Variants in GAS7 observed in about 807,000 individuals in gnomAD.
The protein encoded by GAS7 is growth arrest specific 7, also known as growth arrest-specific protein 7.
A neutral mutation model predicts 71.1 loss-of-function variants in GAS7; 28 were observed. The observed-to-expected ratio is 0.39, with a 90% CI of 0.29 to 0.54. GAS7 has a LOEUF of 0.54. Among genes scored for constraint, GAS7 ranks in the 20% least tolerant of loss-of-function variants. GAS7 has a pLI of 0.62. For synonymous variants in GAS7, 258 were observed against 245.8 expected, an observed-to-expected ratio of 1.05 and a Z score of -0.46; for missense variants, 436 against 627.8, an observed-to-expected ratio of 0.69 and a Z score of 3.27.
chr17:10,117,166 G>A (rs2073868251), intron 1 of GAS7, among the ~76,000 whole-genome samples: 1 of 152,078 alleles, frequency 6.6e-6, no homozygotes, highest in Non-Finnish European at 1.5e-5. Flanking sequence ...CTCAGCTTCT[G>A]GAGCCCACCC....
chr17:10,012,280 T>TAATAAAATAAA (rs2071804797), intron 2 of GAS7, among the ~76,000 whole-genome samples: 4 of 152,224 alleles, frequency 2.6e-5, no homozygotes, highest in African/African-American at 9.6e-5. Flanking sequence ...GCCTTCCAGT[T>TAATAAAATAAA]ATATTTTTAT....
intron 1 of GAS7, among the ~76,000 whole-genome samples, chr17:10,078,084 GTTT>G (rs1567582698): frequency 5.2e-4 from 73 of 139,138 alleles, no homozygotes; most frequent in Admixed American, 3.7e-3. Context: ...TGTGTGTTTT[GTTT>G]TGTTTTGTTT....
chr17:10,164,209 G>A (rs992688893), intron 1 of GAS7, among the ~76,000 whole-genome samples: 19 of 152,042 alleles, frequency 1.2e-4, no homozygotes, highest in Admixed American at 6.5e-4. Context: ...TTGGGAGGCC[G>A]AGGCGGGCAG....
intron 1 of GAS7, among the ~76,000 whole-genome samples, chr17:10,126,051 G>A (rs2073943442): frequency 6.6e-6 from 1 of 152,152 alleles, no homozygotes; most frequent in Non-Finnish European, 1.5e-5. Context: ...TCGCAGAGCA[G>A]CCCTCTGACC....
rs554266862 is a variant in GAS7, at chr17:10,065,303, T to G, written c.184-45406A>C. 2.6e-5 allele frequency among the ~76,000 whole-genome samples: 4 copies of G among 152,328 alleles called. No homozygotes were observed. The South Asian group carries it at 8.3e-4, about 32-fold the overall frequency. On this transcript the variant is annotated intron_variant, in intron 1 of 13. Transcript: ENST00000432992. ...AAGATATCTGCATTTCTAAAAACCT[T>G]CCTTTGGCCACTATAACACTTGGTG...
intron 1 of GAS7, among the ~76,000 whole-genome samples, chr17:10,123,446 G>A (rs1567600974): frequency 6.6e-6 from 1 of 152,188 alleles, no homozygotes; most frequent in Admixed American, 6.5e-5. Flanking sequence ...ACCCAGAATG[G>A]TTCCAAGAGG....
At chr17:10,030,036 C>G (rs1258142720) in intron 1 of GAS7, among the ~76,000 whole-genome samples, 1 of 152,114 alleles carries the variant, frequency 6.6e-6, no homozygotes, top group Non-Finnish European at 1.5e-5. Context: ...GTATCAGGTA[C>G]CTGACCAGTT....
At chr17:10,019,677 C>T in intron 2 of GAS7, 100 bp downstream of exon 2, 2 of 1,201,710 alleles carry the variant, frequency 1.7e-6, no homozygotes, top group Non-Finnish European at 1.2e-6. Flanking sequence ...GAAGAAAAAA[C>T]CCCCAAACAG....
chr17:10,038,886 T>C (rs937266062), intron 1 of GAS7, among the ~76,000 whole-genome samples: 2 of 151,984 alleles, frequency 1.3e-5, no homozygotes, highest in Non-Finnish European at 2.9e-5. Context: ...AATTTTGACA[T>C]ATGCAACCAT....
In GAS7 at chr17:9,913,076, T is replaced by A. The variant is rs2067482402; in HGVS notation, c.*4152A>T. ...AGGAGAAGGGAATTTTTTGGAGGGT[T>A]AAAAACAGGTTGATCTTGGTGATGG... On this transcript the variant is annotated 3_prime_UTR_variant, in exon 14 of 14. Coordinates refer to ENST00000432992, the MANE Select transcript of GAS7 (RefSeq NM_201433.2). 4.3e-6 allele frequency: 1 copy of A among 232,236 alleles called. No homozygotes were observed. Among genetic ancestry groups the A allele is most frequent in the Non-Finnish European group, 8.5e-6 (1 of 117,550 alleles). 14.4% of individuals were successfully genotyped at this position (232,236 alleles called of 1,614,324 possible). A position where few individuals can be genotyped will look rare whatever the true frequency, so the allele number is the denominator to read the frequency against.
At chr17:9,949,197 C>T (rs1466556857) in intron 5 of GAS7, among the ~76,000 whole-genome samples, 3 of 147,194 alleles carry the variant, frequency 2.0e-5, no homozygotes, top group Non-Finnish European at 4.4e-5. Flanking sequence ...GCTCTTTGGG[C>T]AGGGGCCAGA....
intron 1 of GAS7, among the ~76,000 whole-genome samples, chr17:10,050,033 C>T (rs978095907): frequency 2.0e-5 from 3 of 152,106 alleles, no homozygotes; most frequent in African/African-American, 7.2e-5. Context: ...TAATTATTTT[C>T]TTATTTCTGT....
Position 9,934,881 on chromosome 17 carries a change from G to A in GAS7, c.807-637C>T, listed in dbSNP as rs374409868. ...CTCCCGAGTAGCTGGGATTACAGGCGTGTGCCACCACATCCGGCTAATTTT... is the reference window on the plus strand; with the variant it reads ...CTCCCGAGTAGCTGGGATTACAGGCATGTGCCACCACATCCGGCTAATTTT... On this transcript the variant is annotated intron_variant, in intron 8 of 13. Coordinates refer to ENST00000432992, the MANE Select transcript of GAS7 (RefSeq NM_201433.2). 7.6e-4 allele frequency among the ~76,000 whole-genome samples: 115 copies of A among 152,272 alleles called. 1 individual carries two copies. Among genetic ancestry groups the A allele is most frequent in the African/African-American group, 2.6e-3 (110 of 41,562 alleles).
chr17:10,163,432 T>A (rs2074271058), intron 1 of GAS7, among the ~76,000 whole-genome samples: 3 of 148,792 alleles, frequency 2.0e-5, no homozygotes, highest in South Asian at 2.1e-4. Flanking sequence ...GGCCAAAAAA[T>A]TTTTAATTTA....
chr17:10,168,666 T>C (rs1175076432), intron 1 of GAS7, among the ~76,000 whole-genome samples: 1 of 152,170 alleles, frequency 6.6e-6, no homozygotes, highest in African/African-American at 2.4e-5. Flanking sequence ...GTATATTAAT[T>C]GTGTGGTTAA....
intron 5 of GAS7, among the ~76,000 whole-genome samples, chr17:9,948,835 C>T (rs1567810538): frequency 1.3e-5 from 2 of 152,208 alleles, no homozygotes; most frequent in South Asian, 2.1e-4. Flanking sequence ...TGGCTTCAGG[C>T]CCCAGATTCC....
chr17:10,150,651 C>T lies in GAS7; in HGVS notation c.183+47557G>A, dbSNP rs188953146. 7.7e-3 allele frequency among the ~76,000 whole-genome samples: 1,085 copies of T among 141,114 alleles called. 13 individuals carry two copies. The highest frequency in any genetic ancestry group is 0.053 in the South Asian group (242 of 4,548). The allele number at this position is 141,114 out of a possible 152,430, so 92.6% of individuals were successfully genotyped here. On this transcript the variant is annotated intron_variant, in intron 1 of 13. Coordinates refer to ENST00000432992, the MANE Select transcript of GAS7 (RefSeq NM_201433.2). ...TTGCCCAGACTGGAGTGCAGTGGCACGATCTCGGCTCACTGCAACCTCTGC... is the reference window on the plus strand; with the variant it reads ...TTGCCCAGACTGGAGTGCAGTGGCATGATCTCGGCTCACTGCAACCTCTGC...
intron 1 of GAS7, among the ~76,000 whole-genome samples, chr17:10,067,826 A>G (rs932908457): frequency 4.6e-5 from 7 of 152,182 alleles, no homozygotes. Context: ...GTAAGTCTAA[A>G]CAGAGGCTCA....
Position 9,946,958 on chromosome 17 carries a change from G to A in GAS7, c.551C>T (p.Pro184Leu). ...CAGCTGCTGTTCCGGCATCGTGTCT[G>A]GGTGAGGGAACGTCACACAGTTTAT... Reference protein sequence around the residue: ...ITINCVTFPHPDTMPEQQLLK... With the variant: ...ITINCVTFPHLDTMPEQQLLK... Residue 184 changes from proline (P) to leucine (L), a missense_variant, in exon 6 of 14, where the codon CCA becomes CTA. Pro to Leu is a moderately conservative substitution (Grantham distance 98). Transcript: ENST00000432992. The A allele has an allele frequency of 6.2e-7, 1 of 1,612,570 alleles. No individual in the cohort carries two copies. Among genetic ancestry groups the A allele is most frequent in the East Asian group, 2.2e-5 (1 of 44,856 alleles).
Sources: allele counts gnomAD v4.1 joint callset (sites outside exome capture counted in the v4.1 genomes callset), GRCh38; gene constraint gnomAD v4.1.1; transcripts MANE v1.5; gene names NCBI Gene and HGNC (gene_info 2026-07-23, HGNC 2026-07-21).